Variants in ITGA4 observed in about 807,000 individuals in gnomAD.
The protein encoded by ITGA4 is integrin subunit alpha 4.
In ITGA4, 63 loss-of-function variants were observed where a neutral mutation model predicts 133.6. That is an observed-to-expected ratio of 0.47 (90% CI 0.38 to 0.58). The LOEUF (loss-of-function observed/expected upper bound fraction) is 0.58. ITGA4 is among the 20% of genes least tolerant of loss of function. ITGA4 has a pLI of 0.00. For synonymous variants in ITGA4, 483 were observed against 438.0 expected (o/e 1.10, Z -1.28); for missense variants, 1,076 against 1,252.7 (o/e 0.86, Z 2.13).
intron 17 of ITGA4, among the ~76,000 whole-genome samples, chr2:181,517,939 T>A (rs1004559815): frequency 1.3e-5 from 2 of 152,054 alleles, no homozygotes; most frequent in Non-Finnish European, 2.9e-5. Context: ...ATTTTATAAA[T>A]GTCTATTTCT....
rs192327524 is a variant in ITGA4 at position 181,480,515 on chromosome 2, C to T, written c.754+249C>T. Among the ~76,000 whole-genome samples the T allele has an allele frequency of 3.3e-5, 5 of 152,214 alleles. No homozygotes were observed. The East Asian group carries it at 9.6e-4, about 29-fold the overall frequency. On this transcript the variant is annotated intron_variant, in intron 6 of 27. Transcript: ENST00000397033. ...TTAATAGAACTCCTAGTTTAGTTTA[C>T]TCTTTGTAGTTCACTTTAGGAAACA...
At chr2:181,500,062 C>T (rs12693279) in intron 15 of ITGA4, among the ~76,000 whole-genome samples, 148,943 of 152,300 alleles carry the variant, frequency 0.98, 72,932 homozygotes, top group Middle Eastern at 1. Context: ...GTTACCATGG[C>T]TTTGATGGTA....
At chr2:181,493,121 T>C (rs1686088006) in intron 10 of ITGA4, 1 of 448,616 alleles carries the variant, frequency 2.2e-6, no homozygotes, top group South Asian at 3.2e-5. Context: ...GCTTCCACTC[T>C]GCTTTCTTCC....
chr2:181,498,527 C>A (rs1328480531), intron 14 of ITGA4, 96 bp from the exon 15 acceptor site: 3 of 604,592 alleles, frequency 5.0e-6, no homozygotes, highest in African/African-American at 3.8e-5. Flanking sequence ...GATATTATTT[C>A]CAGTAGTCCA....
intron 9 of ITGA4, among the ~76,000 whole-genome samples, 189 bp from the exon 10 acceptor site, chr2:181,485,692 C>T (rs1685898628): frequency 6.6e-6 from 1 of 152,124 alleles, no homozygotes; most frequent in African/African-American, 2.4e-5. Flanking sequence ...TCTAATCATA[C>T]TATTATGTGT....
At position 181,522,224 on chromosome 2, in the gene ITGA4, G is replaced by T. The variant is rs766961571; in HGVS notation, c.1956G>T (p.Gly652=). Residue 652 remains glycine, a synonymous_variant, in exon 18 of 28, where the codon GGG becomes GGT. Transcript: ENST00000397033. ...AAAATAAAACATATCTTGCTGTTGG[G>T]AGTATGAAGACATTGATGTTGAATG... ...PHENKTYLAV[G]SMKTLMLNVS... 6.3e-7 allele frequency: 1 copy of T among 1,582,292 alleles called. No individual in the cohort carries two copies. Among genetic ancestry groups the T allele is most frequent in the South Asian group, 1.1e-5 (1 of 89,402 alleles).
chr2:181,534,770 ATT>A lies in ITGA4; in HGVS notation c.2884-36_2884-35del, dbSNP rs5836796. On this transcript the variant is annotated intron_variant, in intron 26 of 27. Transcript: ENST00000397033. ...GAAATATAAGCAACGTTTTAAACTGATTTTTTTTTTTGGTTTTTGAGTTTTAT... is the reference window on the plus strand; with the variant it reads ...GAAATATAAGCAACGTTTTAAACTGATTTTTTTTTGGTTTTTGAGTTTTAT... The A allele has an allele frequency of 1.4e-5, 18 of 1,299,732 alleles. No homozygotes were observed. The African/African-American group carries it at 1.5e-4, about 11-fold the overall frequency. 80.5% of individuals were successfully genotyped at this position (1,299,732 alleles called of 1,614,324 possible).
Position 181,536,781 on chromosome 2 carries a change from AT to A in ITGA4, c.*1255del. On this transcript the variant is annotated 3_prime_UTR_variant, in exon 28 of 28. Transcript: ENST00000397033. ...TTCTTTAAATACAATCATTTTTGTA[AT>A]ATTTATTTTATGCTTATGATCTAGA... The A allele has an allele frequency of 4.1e-6, 1 of 244,802 alleles. No individual in the cohort carries two copies. Among genetic ancestry groups the A allele is most frequent in the Non-Finnish European group, 8.2e-6 (1 of 121,330 alleles). 15.2% of individuals were successfully genotyped at this position (244,802 alleles called of 1,614,324 possible).
At chr2:181,496,766 C>T (rs1296298848) in intron 14 of ITGA4, among the ~76,000 whole-genome samples, 1 of 152,166 alleles carries the variant, frequency 6.6e-6, no homozygotes, top group African/African-American at 2.4e-5. Flanking sequence ...AAGAGCATAT[C>T]TGGGCATATC....
chr2:181,522,164 A>C, intron 17 of ITGA4, 27 bp from the exon 18 acceptor site: 2 of 1,421,840 alleles, frequency 1.4e-6, no homozygotes, highest in Non-Finnish European at 2.0e-6. Flanking sequence ...CCTAAACAAG[A>C]ACTAAATAAT....
chr2:181,458,576 T>C, intron 2 of ITGA4: 1 of 468,322 alleles, frequency 2.1e-6, no homozygotes, highest in Non-Finnish European at 3.9e-6. Context: ...TATGATACCT[T>C]CTCTTCATCT....
At chr2:181,490,609 T>C in intron 10 of ITGA4, among the ~76,000 whole-genome samples, 1 of 151,990 alleles carries the variant, frequency 6.6e-6, no homozygotes, top group Admixed American at 6.6e-5. Context: ...ACCTCTGTTG[T>C]TAATGAGTCT....
chr2:181,525,379 A>C (rs1373514125), intron 21 of ITGA4, 88 bp downstream of exon 21: 32 of 666,340 alleles, frequency 4.8e-5, no homozygotes, highest in Non-Finnish European at 8.0e-5. Context: ...TGTATTCTAG[A>C]ATTTTTTTAA....
chr2:181,469,194 A>C (rs924647066), intron 2 of ITGA4, among the ~76,000 whole-genome samples: 1 of 152,226 alleles, frequency 6.6e-6, no homozygotes, highest in Admixed American at 6.5e-5. Context: ...CTACCCAAAG[A>C]CAATTTGCTT....
At chr2:181,504,633 T>A (rs148538018) in intron 15 of ITGA4, among the ~76,000 whole-genome samples, 1 of 151,970 alleles carries the variant, frequency 6.6e-6, no homozygotes, top group Non-Finnish European at 1.5e-5. Flanking sequence ...TATTATAACA[T>A]GTGAATTCTT....
chr2:181,481,434 A>G (rs1456100274), intron 6 of ITGA4, among the ~76,000 whole-genome samples, 164 bp from the exon 7 acceptor site: 1 of 152,210 alleles, frequency 6.6e-6, no homozygotes, highest in African/African-American at 2.4e-5. Context: ...ATTGCATAAA[A>G]CATAATGAAT....
chr2:181,528,528 TTTAA>T (rs1252384574), intron 22 of ITGA4, among the ~76,000 whole-genome samples: 2 of 152,150 alleles, frequency 1.3e-5, no homozygotes, highest in Non-Finnish European at 2.9e-5. Flanking sequence ...TTCTTAGAGG[TTTAA>T]TTGTTGTTAG....
rs1244853442 is a variant in ITGA4 at position 181,495,574 on chromosome 2, G to C, written c.1385+158G>C. 6.6e-6 allele frequency among the ~76,000 whole-genome samples: 1 copy of C among 151,992 alleles called. No individual in the cohort carries two copies. The highest frequency in any genetic ancestry group is 1.5e-5 in the Non-Finnish European group (1 of 68,010). On this transcript the variant is annotated intron_variant, in intron 13 of 27. Coordinates refer to ENST00000397033, the MANE Select transcript of ITGA4 (RefSeq NM_000885.6). This position sits in a 1 kb window ranked among gnomAD's most constrained non-coding sequence, Gnocchi z 4.3. ...TTTAGGGTATTTTTTTCACCTTACA[G>C]AGATATAATTAAATCATCAAAGTCA...
chr2:181,515,830 A>G (rs1220619122), intron 17 of ITGA4, among the ~76,000 whole-genome samples: 1 of 152,074 alleles, frequency 6.6e-6, no homozygotes, highest in Non-Finnish European at 1.5e-5. Flanking sequence ...AATTGTGACC[A>G]TATGTTCCAT....
Sources: allele counts gnomAD v4.1 joint callset (sites outside exome capture counted in the v4.1 genomes callset), GRCh38; gene constraint gnomAD v4.1.1; non-coding constraint Gnocchi (gnomAD v3.1); transcripts MANE v1.5; gene names NCBI Gene and HGNC (gene_info 2026-07-23, HGNC 2026-07-21).